The following TRA2B variants were observed in gnomAD, a reference collection of about 807,000 sequenced individuals.
TRA2B encodes the protein transformer-2 protein homolog beta.
A neutral mutation model predicts 41.7 loss-of-function variants in TRA2B; 14 were observed. The ratio of observed to expected loss-of-function variants is 0.34; its 90% CI spans 0.22 to 0.53. The LOEUF is 0.53. Ranked by LOEUF, TRA2B falls within the 20% of genes least tolerant of loss-of-function variation. The pLI is 0.95. For missense variants in TRA2B, 167 were observed against 396.8 expected, an observed-to-expected ratio of 0.42 and a Z score of 4.92; for synonymous variants, 130 against 128.8, an observed-to-expected ratio of 1.01 and a Z score of -0.06.
chr3:185,934,545 C>CA (rs1744274999), intron 1 of TRA2B: 4 of 985,386 alleles, frequency 4.1e-6, no homozygotes, highest in Non-Finnish European at 4.8e-6. Flanking sequence ...AACCGGGTTT[C>CA]AAGAGACTGA....
intron 1 of TRA2B, chr3:185,936,955 C>A: frequency 1.0e-6 from 1 of 985,382 alleles, no homozygotes; most frequent in Non-Finnish European, 1.2e-6. Flanking sequence ...AGCCAACACA[C>A]GCTGTGGTTC....
intron 1 of TRA2B, 71 bp downstream of exon 1, chr3:185,937,754 G>C: frequency 1.2e-6 from 2 of 1,606,054 alleles, no homozygotes; most frequent in Non-Finnish European, 1.7e-6. Flanking sequence ...CCTGGCCCGA[G>C]GCCGACGGGC....
Position 185,917,480 on chromosome 3 carries a change from A to G in TRA2B, c.*235T>C. 1 of 477,674 alleles carries G rather than the reference A, an allele frequency of 2.1e-6. No individual in the cohort carries two copies. Among genetic ancestry groups the G allele is most frequent in the Non-Finnish European group, 3.8e-6 (1 of 265,554 alleles). 29.6% of individuals were successfully genotyped at this position (477,674 alleles called of 1,614,324 possible). A position where few individuals can be genotyped will look rare whatever the true frequency, so the allele number is the denominator to read the frequency against. On this transcript the variant is annotated 3_prime_UTR_variant, in exon 9 of 9. Transcript: ENST00000453386. The stretch of plus-strand genomic sequence containing the variant: ...CAGCAGTCAAAATTTAGACTGTAAA[A>G]AAATACATGCAAAACATACTTTTCT...
intron 1 of TRA2B, chr3:185,935,031 G>C: frequency 1.0e-6 from 1 of 985,386 alleles, no homozygotes; most frequent in African/African-American, 1.7e-5. Flanking sequence ...ATTACACTGC[G>C]TGCAAGACCA....
At chr3:185,937,459 A>C in intron 1 of TRA2B, 11 of 1,052,990 alleles carry the variant, frequency 1.0e-5, no homozygotes, top group Non-Finnish European at 1.3e-5. Flanking sequence ...CCAGCCCGCC[A>C]GCCCAAGATG....
intron 6 of TRA2B, among the ~76,000 whole-genome samples, chr3:185,920,857 T>C (rs1183759470): frequency 6.6e-6 from 1 of 152,150 alleles, no homozygotes; most frequent in Non-Finnish European, 1.5e-5. Context: ...TAAAACACAT[T>C]TTATTATTAA....
intron 7 of TRA2B, 61 bp from the exon 8 acceptor site, chr3:185,918,499 A>G: frequency 8.2e-7 from 1 of 1,215,664 alleles, no homozygotes; most frequent in Non-Finnish European, 1.2e-6. Flanking sequence ...CAAACATATA[A>G]ATTTATGACT....
chr3:185,914,600 C>T lies in TRA2B; in HGVS notation c.*3115G>A, dbSNP rs1435448294. ...TCTTTACATTATATATTAAAGATTA[C>T]ACATAATAATCCTTTACACTATATA... On this transcript the variant is annotated 3_prime_UTR_variant, in exon 9 of 9. Coordinates refer to ENST00000453386, the MANE Select transcript of TRA2B (RefSeq NM_004593.3). Among the ~76,000 whole-genome samples, 2 of 152,182 alleles carry T rather than the reference C, an allele frequency of 1.3e-5. No individual in the cohort carries two copies. Among genetic ancestry groups the T allele is most frequent in the East Asian group, 3.9e-4 (2 of 5,188 alleles).
At position 185,926,750 on chromosome 3, in the gene TRA2B, A is replaced by C. The variant is rs756707587; in HGVS notation, c.37-16T>G. On this transcript the variant is annotated splice_polypyrimidine_tract_variant and intron_variant, in intron 1 of 8. Transcript: ENST00000453386. ...AACGGGATTCCTACACGTAGATGTT[A>C]AAAGTTTAATTTGCACACTTTCTGG... The C allele has an allele frequency of 6.2e-7, 1 of 1,613,372 alleles. No individual in the cohort carries two copies. The highest frequency in any genetic ancestry group is 1.3e-5 in the African/African-American group (1 of 74,906).
Position 185,914,834 on chromosome 3 carries a change from A to C in TRA2B, c.*2881T>G, listed in dbSNP as rs1313331993. Among the ~76,000 whole-genome samples, 1 of 151,688 alleles carries C rather than the reference A, an allele frequency of 6.6e-6. No individual in the cohort carries two copies. Among genetic ancestry groups the C allele is most frequent in the African/African-American group, 2.4e-5 (1 of 41,284 alleles). ...ATTTACAGAAATTTTGATAATGCAA[A>C]CCAAATCTTTTTATTTCTTCTCGGT... On this transcript the variant is annotated 3_prime_UTR_variant, in exon 9 of 9. Coordinates refer to ENST00000453386, the MANE Select transcript of TRA2B (RefSeq NM_004593.3).
At chr3:185,932,940 G>T (rs1431532724) in intron 1 of TRA2B, among the ~76,000 whole-genome samples, 1 of 152,154 alleles carries the variant, frequency 6.6e-6, no homozygotes, top group African/African-American at 2.4e-5. Flanking sequence ...CAAGTGCTGT[G>T]ATGTCTTTCC....
At chr3:185,936,233 C>A in intron 1 of TRA2B, 1 of 985,366 alleles carries the variant, frequency 1.0e-6, no homozygotes, top group Non-Finnish European at 1.2e-6. Flanking sequence ...TTTAAAATCG[C>A]TTACTTTGCA....
chr3:185,934,693 G>C (rs1434970773), intron 1 of TRA2B: 3 of 985,124 alleles, frequency 3.0e-6, no homozygotes, highest in Non-Finnish European at 1.2e-6. Context: ...TTGAAAATTA[G>C]AATTTAGAGT....
intron 1 of TRA2B, chr3:185,937,109 A>G: frequency 2.0e-6 from 2 of 985,446 alleles, no homozygotes; most frequent in South Asian, 4.7e-5. Flanking sequence ...GAATACTGAT[A>G]CAGATTTTTG....
Position 185,915,618 on chromosome 3 carries a change from T to C in TRA2B, c.*2097A>G, listed in dbSNP as rs976259320. Among the ~76,000 whole-genome samples, 15 of 152,268 alleles carry C rather than the reference T, an allele frequency of 9.9e-5. No homozygotes were observed. Among genetic ancestry groups the C allele is most frequent in the Admixed American group, 2.6e-4 (4 of 15,292 alleles). On this transcript the variant is annotated 3_prime_UTR_variant, in exon 9 of 9. Coordinates refer to ENST00000453386, the MANE Select transcript of TRA2B (RefSeq NM_004593.3). ...TCAGTCTTTTGCCTGTTAACACTCT[T>C]TGTAGCCATGTCAAATGGCTAAAAT... is the stretch of plus-strand genomic sequence containing the variant.
chr3:185,935,984 A>C, intron 1 of TRA2B: 2 of 985,448 alleles, frequency 2.0e-6, no homozygotes, highest in Non-Finnish European at 2.4e-6. Flanking sequence ...TTTACTAGTA[A>C]AAAGATAACC....
Position 185,937,350 on chromosome 3 carries a change from T to C in TRA2B, c.36+475A>G, listed in dbSNP as rs574142550. On this transcript the variant is annotated intron_variant, in intron 1 of 8. Transcript: ENST00000453386. ...ACCCAAAAGAACGTCGTCTGTCCCCTTGCACCCCACCACGCGGCCTTACGA... is the reference window on the plus strand; with the variant it reads ...ACCCAAAAGAACGTCGTCTGTCCCCCTGCACCCCACCACGCGGCCTTACGA... The C allele has an allele frequency of 4.6e-4, 456 of 995,298 alleles. No individual in the cohort carries two copies. The African/African-American group carries it at 7.3e-3, about 16-fold the overall frequency. 61.7% of individuals were successfully genotyped at this position (995,298 alleles called of 1,614,324 possible). A position where few individuals can be genotyped will look rare whatever the true frequency, so the allele number is the denominator to read the frequency against.
chr3:185,934,870 A>G lies in TRA2B; in HGVS notation c.36+2955T>C, dbSNP rs1744288290. On this transcript the variant is annotated intron_variant, in intron 1 of 8. Coordinates refer to ENST00000453386, the MANE Select transcript of TRA2B (RefSeq NM_004593.3). Reference sequence around the variant, plus strand: ...ATGTTGCAATCACATCGGCTTTACAAAAATAATAGCCAGTATTCTATCAGA... The same window carrying G: ...ATGTTGCAATCACATCGGCTTTACAGAAATAATAGCCAGTATTCTATCAGA... 3 of 985,328 alleles carry G rather than the reference A, an allele frequency of 3.0e-6. No homozygotes were observed. In the African/African-American group the frequency reaches 5.2e-5, roughly 17 times the overall value. The allele number at this position is 985,328 out of a possible 1,614,324, so 61.0% of individuals were successfully genotyped here. A position where few individuals can be genotyped will look rare whatever the true frequency, so the allele number is the denominator to read the frequency against.
At chr3:185,924,485 TTTTACAGGTC>T (rs1743867102) in intron 3 of TRA2B, 1 of 153,126 alleles carries the variant, frequency 6.5e-6, no homozygotes, top group Non-Finnish European at 1.5e-5. Flanking sequence ...TACCAAACCA[TTTTACAGGTC>T]ATAAACAGCT....
Sources: allele counts gnomAD v4.1 joint callset (sites outside exome capture counted in the v4.1 genomes callset), GRCh38; gene constraint gnomAD v4.1.1; transcripts MANE v1.5; gene names NCBI Gene and HGNC (gene_info 2026-07-23, HGNC 2026-07-21).